The following OR2L13 variants were observed in gnomAD, a reference collection of about 807,000 sequenced individuals.
The protein encoded by OR2L13 is olfactory receptor family 2 subfamily L member 13.
In OR2L13, 14 loss-of-function variants were observed where a neutral mutation model predicts 15.3. That is an observed-to-expected ratio of 0.91 (90% CI 0.60 to 1.43). The LOEUF is 1.43. Among genes scored for constraint, OR2L13 ranks in the 40% most tolerant of loss-of-function variants. The pLI is 0.00. For missense variants in OR2L13, 367 were observed against 387.9 expected (o/e 0.95, Z 0.45); for synonymous variants, 152 against 142.9 (o/e 1.06, Z -0.45).
At chr1:247,958,044 T>C in the OR2L13 span, among the ~76,000 whole-genome samples, 2 of 152,220 alleles carry the variant, frequency 1.3e-5, no homozygotes, top group African/African-American at 4.8e-5. Context: ...AGGGTGTCAA[T>C]TTTAGATCTT....
the OR2L13 span, among the ~76,000 whole-genome samples, chr1:248,073,172 C>G: frequency 6.6e-6 from 1 of 152,156 alleles, no homozygotes; most frequent in East Asian, 1.9e-4. Flanking sequence ...AAGACACATG[C>G]ACACGTATGT....
chr1:248,011,789 C>T, the OR2L13 span, among the ~76,000 whole-genome samples: 28 of 152,136 alleles, frequency 1.8e-4, no homozygotes, highest in Non-Finnish European at 3.4e-4. Context: ...GTTACCACTC[C>T]ATGGGCAATT....
chr1:248,054,487 A>G, the OR2L13 span, among the ~76,000 whole-genome samples: 2 of 152,078 alleles, frequency 1.3e-5, 1 homozygote, highest in Admixed American at 1.3e-4. Flanking sequence ...AAGAATATCA[A>G]TGGTATTTAT....
At chr1:248,005,003 C>T in the OR2L13 span, among the ~76,000 whole-genome samples, 4 of 152,008 alleles carry the variant, frequency 2.6e-5, no homozygotes, top group African/African-American at 4.8e-5. Flanking sequence ...GACTGATGGT[C>T]ACCAGAGGGT....
chr1:247,975,260 T>C, the OR2L13 span: 1 of 436,590 alleles, frequency 2.3e-6, no homozygotes, highest in South Asian at 1.9e-5. Flanking sequence ...GGCTGTGATG[T>C]CCCAGCCATG....
the OR2L13 span, among the ~76,000 whole-genome samples, chr1:248,069,058 T>A: frequency 6.6e-6 from 1 of 152,122 alleles, no homozygotes; most frequent in African/African-American, 2.4e-5. Context: ...CAGCAGTATA[T>A]TATCCAGGAG....
At chr1:248,098,427 T>C (rs959424510) in intron 1 of OR2L13, among the ~76,000 whole-genome samples, 1 of 152,222 alleles carries the variant, frequency 6.6e-6, no homozygotes, top group Non-Finnish European at 1.5e-5. Flanking sequence ...GTGATCCCAT[T>C]TGGCATCCAA....
upstream of OR2L13, among the ~76,000 whole-genome samples, chr1:248,091,921 T>TGAACATG (rs542556257): frequency 1.3e-4 from 20 of 152,318 alleles, 1 homozygote; most frequent in South Asian, 4.1e-3. Context: ...TTCCTATCCA[T>TGAACATG]GAACATGGAA....
intron 1 of OR2L13, among the ~76,000 whole-genome samples, chr1:248,097,977 A>G (rs1447105212): frequency 6.6e-6 from 1 of 152,218 alleles, no homozygotes; most frequent in Non-Finnish European, 1.5e-5. Flanking sequence ...ATCTGATAAA[A>G]TTAATCAAAT....
chr1:248,058,380 C>T, the OR2L13 span, among the ~76,000 whole-genome samples: 6 of 152,262 alleles, frequency 3.9e-5, no homozygotes, highest in East Asian at 9.6e-4. Flanking sequence ...CTCCCTCCTC[C>T]GTCATCACCC....
chr1:247,943,997 TGA>T, the OR2L13 span, among the ~76,000 whole-genome samples: 1 of 152,198 alleles, frequency 6.6e-6, no homozygotes, highest in Non-Finnish European at 1.5e-5. Context: ...GCCATGTATA[TGA>T]GAGTCTATTT....
the OR2L13 span, among the ~76,000 whole-genome samples, chr1:248,021,551 T>G: frequency 0.064 from 9,698 of 152,220 alleles, 357 homozygotes; most frequent in East Asian, 0.16. Context: ...TCATAGTGCC[T>G]ACATTGTTCC....
the OR2L13 span, chr1:248,039,846 T>A: frequency 3.3e-5 from 5 of 152,352 alleles, no homozygotes; most frequent in South Asian, 1.0e-3. Flanking sequence ...CTTCTTTTTC[T>A]TAAAGTAATG....
At chr1:247,991,807 G>T in the OR2L13 span, among the ~76,000 whole-genome samples, 3 of 149,580 alleles carry the variant, frequency 2.0e-5, no homozygotes, top group African/African-American at 7.5e-5. Flanking sequence ...GTGCCCAAAA[G>T]GATCAACGTT....
At chr1:248,044,848 C>A in the OR2L13 span, among the ~76,000 whole-genome samples, 2 of 151,380 alleles carry the variant, frequency 1.3e-5, no homozygotes, top group African/African-American at 4.8e-5. Context: ...AACGCCTTCC[C>A]CAAGTGTCTC....
At chr1:248,059,199 T>C in the OR2L13 span, among the ~76,000 whole-genome samples, 3 of 152,154 alleles carry the variant, frequency 2.0e-5, no homozygotes, top group Admixed American at 2.0e-4. Flanking sequence ...TACGTGGTTA[T>C]AGTAGCTCAA....
the OR2L13 span, among the ~76,000 whole-genome samples, chr1:248,055,587 C>G: frequency 6.6e-6 from 1 of 152,126 alleles, no homozygotes; most frequent in Non-Finnish European, 1.5e-5. Flanking sequence ...GAAACCCTAT[C>G]TCTACTAAAA....
the OR2L13 span, chr1:248,003,699 A>G: frequency 6.2e-7 from 1 of 1,613,108 alleles, no homozygotes; most frequent in South Asian, 1.1e-5. Context: ...GCCTGCATGG[A>G]CACCTGGGTC....
chr1:247,995,948 A>G, the OR2L13 span, among the ~76,000 whole-genome samples: 703 of 152,328 alleles, frequency 4.6e-3, 5 homozygotes, highest in African/African-American at 0.015. Context: ...TGCAGGATGC[A>G]GAGTCTTCAT....
Sources: allele counts gnomAD v4.1 joint callset (sites outside exome capture counted in the v4.1 genomes callset), GRCh38; gene constraint gnomAD v4.1.1; transcripts MANE v1.5; gene names NCBI Gene and HGNC (gene_info 2026-07-23, HGNC 2026-07-21).